Variants in SLC30A8 observed in about 807,000 individuals in gnomAD.
SLC30A8 encodes the protein solute carrier family 30 member 8, also known as proton-coupled zinc antiporter SLC30A8.
SLC30A8 carries 27 observed loss-of-function variants against 36.9 expected under a neutral mutation model. That is an observed-to-expected ratio of 0.73 (90% CI 0.54 to 1.01). The LOEUF is 1.01. Ranked by LOEUF, SLC30A8 falls within the 50% of genes least tolerant of loss-of-function variation. SLC30A8 has a pLI of 0.00. For missense variants in SLC30A8, 439 were observed against 452.0 expected (o/e 0.97, Z 0.26); for synonymous variants, 164 against 172.4 (o/e 0.95, Z 0.38).
At chr8:117,016,234 A>G (rs1816514282) in intron 1 of SLC30A8, among the ~76,000 whole-genome samples, 2 of 152,196 alleles carry the variant, frequency 1.3e-5, no homozygotes, top group Non-Finnish European at 2.9e-5. Flanking sequence ...GTGTTGTTTT[A>G]ACCTTGCGCA....
intron 1 of SLC30A8, among the ~76,000 whole-genome samples, chr8:117,137,328 CTTTCTACT>C (rs1384556186): frequency 4.6e-5 from 7 of 151,904 alleles, no homozygotes; most frequent in African/African-American, 1.7e-4. Context: ...ACCTCTTTTT[CTTTCTACT>C]TTCTATTATC....
intron 1 of SLC30A8, among the ~76,000 whole-genome samples, chr8:117,009,175 C>G (rs1417864267): frequency 1.3e-5 from 2 of 152,096 alleles, no homozygotes; most frequent in African/African-American, 2.4e-5. Context: ...ACTTCGATGG[C>G]TTAAAGAGTT....
At chr8:117,053,840 T>C (rs1817786174) in intron 2 of SLC30A8, among the ~76,000 whole-genome samples, 1 of 152,206 alleles carries the variant, frequency 6.6e-6, no homozygotes, top group Admixed American at 6.5e-5. Context: ...ACTACCAGCA[T>C]ATTTGATCCT....
chr8:117,169,488 T>C (rs1823253261), intron 6 of SLC30A8, among the ~76,000 whole-genome samples: 1 of 152,140 alleles, frequency 6.6e-6, no homozygotes, highest in African/African-American at 2.4e-5. Context: ...GTTCTAGCTG[T>C]TCATTATAAT....
intron 2 of SLC30A8, among the ~76,000 whole-genome samples, chr8:117,108,955 T>C (rs1372166835): frequency 1.3e-5 from 2 of 152,224 alleles, no homozygotes; most frequent in African/African-American, 4.8e-5. Flanking sequence ...CTTTCCTTTG[T>C]GCTAGTTTTG....
intron 1 of SLC30A8, among the ~76,000 whole-genome samples, chr8:117,031,770 T>C (rs992103722): frequency 6.6e-6 from 1 of 152,160 alleles, no homozygotes; most frequent in Non-Finnish European, 1.5e-5. Flanking sequence ...AGCCGAAATC[T>C]TCTTAATAAT....
chr8:117,077,500 C>G (rs890081685), intron 2 of SLC30A8, among the ~76,000 whole-genome samples: 3 of 152,098 alleles, frequency 2.0e-5, no homozygotes, highest in African/African-American at 7.2e-5. Context: ...TCTTTGGACG[C>G]AAACCTATAA....
chr8:117,036,701 T>TG (rs1287961907), intron 1 of SLC30A8, among the ~76,000 whole-genome samples: 1 of 152,124 alleles, frequency 6.6e-6, no homozygotes, highest in East Asian at 1.9e-4. Context: ...GAGAATAGCA[T>TG]GGGGGAAACC....
intron 6 of SLC30A8, among the ~76,000 whole-genome samples, chr8:117,167,103 T>TAAAGA (rs1406928738): frequency 1.3e-5 from 2 of 152,126 alleles, no homozygotes; most frequent in Non-Finnish European, 2.9e-5. Context: ...GTTATTGACT[T>TAAAGA]AAAGAAAGAT....
Position 117,174,904 on chromosome 8 carries a change from T to A in SLC30A8, c.*2223T>A, listed in dbSNP as rs1399549479. The A allele has an allele frequency of 3.7e-4, 56 of 152,096 alleles. No homozygotes were observed. Among genetic ancestry groups the A allele is most frequent in the Non-Finnish European group, 8.8e-5 (6 of 67,958 alleles). The allele number at this position is 152,096 out of a possible 1,614,324, so 9.4% of individuals were successfully genotyped here. A position where few individuals can be genotyped will look rare whatever the true frequency, so the allele number is the denominator to read the frequency against. ...AATGCAAGACAATCTACAAGGGAGA[T>A]TTTAAGGATTTTGAGATGAAAAAAC... On this transcript the variant is annotated 3_prime_UTR_variant, in exon 8 of 8. Transcript: ENST00000456015.
At chr8:117,056,136 A>G (rs1586450957) in intron 2 of SLC30A8, 2 of 152,188 alleles carry the variant, frequency 1.3e-5, no homozygotes, top group Admixed American at 6.5e-5. Context: ...TGATTTCCCC[A>G]TGCTACCAAA....
At chr8:116,972,704 T>C (rs1037093841) in intron 1 of SLC30A8, among the ~76,000 whole-genome samples, 1 of 152,212 alleles carries the variant, frequency 6.6e-6, no homozygotes, top group Non-Finnish European at 1.5e-5. Context: ...AGGCTGACTC[T>C]AGATTTTACT....
chr8:117,080,920 C>T (rs1023539145), intron 2 of SLC30A8, among the ~76,000 whole-genome samples: 3 of 152,146 alleles, frequency 2.0e-5, no homozygotes, highest in African/African-American at 2.4e-5. Flanking sequence ...AAACTGCTCC[C>T]CACAGTGGTT....
chr8:117,142,539 T>G (rs2130953433), intron 1 of SLC30A8, among the ~76,000 whole-genome samples: 1 of 152,272 alleles, frequency 6.6e-6, no homozygotes, highest in East Asian at 1.9e-4. Flanking sequence ...TCACTCTTTC[T>G]TTACGCCACA....
chr8:117,014,468 G>A (rs1296055749), intron 1 of SLC30A8, among the ~76,000 whole-genome samples: 1 of 152,144 alleles, frequency 6.6e-6, no homozygotes, highest in African/African-American at 2.4e-5. Flanking sequence ...ATTGCCATGA[G>A]TTAGCTGTTT....
intron 2 of SLC30A8, among the ~76,000 whole-genome samples, chr8:117,071,188 C>T (rs928580299): frequency 9.2e-5 from 14 of 152,056 alleles, no homozygotes; most frequent in Admixed American, 8.5e-4. Flanking sequence ...TCCCTTTTCT[C>T]CATATCCTCT....
chr8:117,067,422 A>C (rs535379360), intron 2 of SLC30A8, among the ~76,000 whole-genome samples: 5 of 151,938 alleles, frequency 3.3e-5, no homozygotes, highest in African/African-American at 1.2e-4. Flanking sequence ...TTTTGTTTCA[A>C]TCTCTGTGGC....
At chr8:117,049,713 G>A (rs16889363) in intron 2 of SLC30A8, among the ~76,000 whole-genome samples, 35,957 of 152,098 alleles carry the variant, frequency 0.24, 4,893 homozygotes, top group African/African-American at 0.38. Context: ...GAAATGATAG[G>A]TCTCTTTATC....
At chr8:116,979,615 G>C (rs1217143844) in intron 1 of SLC30A8, among the ~76,000 whole-genome samples, 1 of 152,196 alleles carries the variant, frequency 6.6e-6, no homozygotes, top group African/African-American at 2.4e-5. Flanking sequence ...TCAGGGGACT[G>C]TCTGAAGAAA....
Sources: gnomAD v4.1 joint callset for allele counts (sites outside exome capture counted in the v4.1 genomes callset) on GRCh38, gnomAD v4.1.1 for gene constraint, MANE v1.5 for transcripts, NCBI Gene and HGNC (gene_info 2026-07-23, HGNC 2026-07-21) for gene names.